The following CAMK1D variants were observed in gnomAD, a reference collection of about 807,000 sequenced individuals.
CAMK1D encodes the protein calcium/calmodulin dependent protein kinase ID.
CAMK1D carries 9 observed loss-of-function variants against 47.7 expected under a neutral mutation model. The ratio of observed to expected loss-of-function variants is 0.19; its 90% CI spans 0.11 to 0.33. The LOEUF is 0.33. Among genes scored for constraint, CAMK1D ranks in the 10% least tolerant of loss-of-function variants. The probability of loss-of-function intolerance (pLI) is 1.00; values close to 1 mark genes in which losing one functional copy is unlikely to be tolerated. For synonymous variants in CAMK1D, 184 were observed against 184.9 expected, an observed-to-expected ratio of 0.99 and a Z score of 0.04; for missense variants, 291 against 488.7, an observed-to-expected ratio of 0.60 and a Z score of 3.81.
In CAMK1D at chr10:12,397,985, C is replaced by T. The variant is rs115959578; in HGVS notation, c.92+48075C>T. On this transcript the variant is annotated intron_variant, in intron 1 of 10. Coordinates refer to ENST00000619168, the MANE Select transcript of CAMK1D (RefSeq NM_153498.4). ...ATAATTTTGTAAAGCCGTCTACCCC[C>T]TCCCACACTTTGAGTTGATAGCCAA... is the stretch of plus-strand genomic sequence containing the variant. Among the ~76,000 whole-genome samples, 1,453 of 152,288 alleles carry T rather than the reference C, an allele frequency of 9.5e-3. 19 individuals are homozygous for T. Among genetic ancestry groups the T allele is most frequent in the African/African-American group, 0.034 (1,396 of 41,542 alleles).
At position 12,495,775 on chromosome 10, in the gene CAMK1D, A is replaced by G. The variant is rs543848048; in HGVS notation, c.93-57450A>G. On this transcript the variant is annotated intron_variant, in intron 1 of 10. Coordinates refer to ENST00000619168, the MANE Select transcript of CAMK1D (RefSeq NM_153498.4). ...TGAAAGATTGAAAAATTGGAAATACATATTCACCTACTATTGGTAAAACTT... is the reference window on the plus strand; with the variant it reads ...TGAAAGATTGAAAAATTGGAAATACGTATTCACCTACTATTGGTAAAACTT... 2.2e-4 allele frequency among the ~76,000 whole-genome samples: 33 copies of G among 152,328 alleles called. No homozygotes were observed. In the South Asian group the frequency reaches 6.6e-3, roughly 31 times the overall value.
At chr10:12,471,758 G>GA (rs1466765080) in intron 1 of CAMK1D, among the ~76,000 whole-genome samples, 6 of 152,208 alleles carry the variant, frequency 3.9e-5, no homozygotes, top group Middle Eastern at 3.4e-3. Context: ...CTGGCCAGGT[G>GA]TGGTGGCTCA....
intron 1 of CAMK1D, among the ~76,000 whole-genome samples, chr10:12,432,535 A>T (rs1016876096): frequency 2.0e-5 from 3 of 152,214 alleles, no homozygotes; most frequent in Admixed American, 6.5e-5. Flanking sequence ...GAACAAATGA[A>T]TGAGTGAATG....
intron 1 of CAMK1D, among the ~76,000 whole-genome samples, chr10:12,540,267 C>G (rs1039532726): frequency 6.6e-6 from 1 of 151,920 alleles, no homozygotes; most frequent in African/African-American, 2.4e-5. Flanking sequence ...AAAAACCAGG[C>G]TTCCATGGAT....
chr10:12,708,682 G>A (rs950421136), intron 3 of CAMK1D, among the ~76,000 whole-genome samples: 5 of 152,174 alleles, frequency 3.3e-5, no homozygotes, highest in Non-Finnish European at 5.9e-5. Context: ...TCCCAAGACA[G>A]TATAAGCATC....
chr10:12,651,800 A>T (rs1310402635), intron 2 of CAMK1D, among the ~76,000 whole-genome samples: 2 of 150,166 alleles, frequency 1.3e-5, no homozygotes, highest in Non-Finnish European at 3.0e-5. Context: ...TTTTTTTGAG[A>T]CGGAGTCCCG....
rs1394334051 is a variant in CAMK1D, at chr10:12,825,561, C to T, written c.922-12C>T. On this transcript the variant is annotated splice_polypyrimidine_tract_variant and intron_variant, in intron 9 of 10. Transcript: ENST00000619168. ...AAATATTTGTCTGCTTTTTTCCTTT[C>T]TGAAATTTCAGCAAGCATTTAATGC... 3 of 1,598,900 alleles carry T rather than the reference C, an allele frequency of 1.9e-6. No homozygotes were observed. The highest frequency in any genetic ancestry group is 1.8e-5 in the Admixed American group (1 of 55,772).
At chr10:12,749,896 A>G (rs1835870501) in intron 3 of CAMK1D, among the ~76,000 whole-genome samples, 1 of 152,122 alleles carries the variant, frequency 6.6e-6, no homozygotes, top group African/African-American at 2.4e-5. Context: ...GTCCGGCCAG[A>G]AAGTGTGTTT....
Position 12,435,683 on chromosome 10 carries a change from A to T in CAMK1D, c.92+85773A>T, listed in dbSNP as rs138372891. Among the ~76,000 whole-genome samples, 45 of 152,224 alleles carry T rather than the reference A, an allele frequency of 3.0e-4. No individual in the cohort carries two copies. In the East Asian group the frequency reaches 7.7e-3, roughly 26 times the overall value. On this transcript the variant is annotated intron_variant, in intron 1 of 10. Coordinates refer to ENST00000619168, the MANE Select transcript of CAMK1D (RefSeq NM_153498.4). ...CTTTAATACCTGGCAGGATTCCAAC[A>T]AGACCTCTTTTGTTTGCATTTTAAC...
At chr10:12,686,603 C>T (rs553942590) in intron 3 of CAMK1D, among the ~76,000 whole-genome samples, 2 of 152,264 alleles carry the variant, frequency 1.3e-5, no homozygotes, top group South Asian at 4.2e-4. Context: ...GGATTACAGG[C>T]ATTAGCCACC....
chr10:12,450,304 T>G (rs1203128843), intron 1 of CAMK1D, among the ~76,000 whole-genome samples: 1 of 152,202 alleles, frequency 6.6e-6, no homozygotes, highest in East Asian at 1.9e-4. Context: ...TATACTGAGT[T>G]TACAGCTCCA....
chr10:12,350,315 GAGA>G (rs1214697230), intron 1 of CAMK1D, among the ~76,000 whole-genome samples: 3 of 152,268 alleles, frequency 2.0e-5, no homozygotes, highest in East Asian at 1.9e-4. Flanking sequence ...ACGTGGTCAC[GAGA>G]AGATCAGCCT....
intron 1 of CAMK1D, among the ~76,000 whole-genome samples, chr10:12,421,787 T>G (rs1026160124): frequency 1.3e-5 from 2 of 151,524 alleles, no homozygotes; most frequent in African/African-American, 4.9e-5. Flanking sequence ...CCTTTGTGGT[T>G]TTTTTTCTAT....
intron 1 of CAMK1D, among the ~76,000 whole-genome samples, chr10:12,505,138 A>G (rs1834831449): frequency 6.6e-6 from 1 of 152,122 alleles, no homozygotes; most frequent in Non-Finnish European, 1.5e-5. Flanking sequence ...ACCCCATCCT[A>G]TCCTGATAGA....
chr10:12,801,354 T>TATCTATCTATCTTATCTATCTATCTATC (rs57429397), intron 6 of CAMK1D, among the ~76,000 whole-genome samples: 76 of 66,486 alleles, frequency 1.1e-3, no homozygotes, highest in Middle Eastern at 0.013. Context: ...TCTATCTATC[T>TATCTATCTATCTTATCTATCTATCTATC]TATCTATCTA....
chr10:12,379,689 G>GAGT (rs1379750923), intron 1 of CAMK1D, among the ~76,000 whole-genome samples: 1 of 151,992 alleles, frequency 6.6e-6, no homozygotes, highest in African/African-American at 2.4e-5. Flanking sequence ...GGAGGCGGAG[G>GAGT]TTGCAGTGAG....
chr10:12,441,852 C>T (rs1312689152), intron 1 of CAMK1D, among the ~76,000 whole-genome samples: 1 of 152,112 alleles, frequency 6.6e-6, no homozygotes, highest in East Asian at 1.9e-4. Context: ...GCTAAACTTA[C>T]CTTTTCTTTT....
At chr10:12,675,650 C>T (rs1312020016) in intron 3 of CAMK1D, among the ~76,000 whole-genome samples, 2 of 152,238 alleles carry the variant, frequency 1.3e-5, no homozygotes, top group East Asian at 3.8e-4. Flanking sequence ...CCCAGTCCTA[C>T]CCCACTGTGC....
intron 5 of CAMK1D, among the ~76,000 whole-genome samples, chr10:12,785,705 A>G (rs534459118): frequency 5.3e-5 from 8 of 152,336 alleles, no homozygotes; most frequent in Admixed American, 4.6e-4. Context: ...GCCACGCGTC[A>G]TAAAACTGGT....
Sources: allele counts gnomAD v4.1 joint callset (sites outside exome capture counted in the v4.1 genomes callset), GRCh38; gene constraint gnomAD v4.1.1; transcripts MANE v1.5; gene names NCBI Gene and HGNC (gene_info 2026-07-23, HGNC 2026-07-21).